The following CSPP1 variants were observed in gnomAD, a reference collection of about 807,000 sequenced individuals.
CSPP1 encodes centrosome and spindle pole associated protein 1.
A neutral mutation model predicts 164.4 loss-of-function variants in CSPP1; 126 were observed. That is an observed-to-expected ratio of 0.77 (90% CI 0.66 to 0.89). CSPP1 has a LOEUF of 0.89. Ranked by LOEUF, CSPP1 falls within the 40% of genes least tolerant of loss-of-function variation. The pLI is 0.00. For synonymous variants in CSPP1, 472 were observed against 476.7 expected (o/e 0.99, Z 0.13); for missense variants, 1,395 against 1,449.8 (o/e 0.96, Z 0.61).
chr8:67,189,009 G>C (rs1002141013), intron 28 of CSPP1, among the ~76,000 whole-genome samples: 1 of 152,126 alleles, frequency 6.6e-6, no homozygotes, highest in Admixed American at 6.6e-5. Context: ...CCACCATCTT[G>C]GGAGTTCTAA....
intron 24 of CSPP1, among the ~76,000 whole-genome samples, chr8:67,168,226 C>T (rs560776464): frequency 6.7e-5 from 10 of 150,260 alleles, no homozygotes; most frequent in African/African-American, 2.2e-4. Context: ...AGGGAGGTTG[C>T]AGTGAGCCGA....
At chr8:67,155,400 C>T (rs1047562747) in intron 19 of CSPP1, among the ~76,000 whole-genome samples, 9 of 152,182 alleles carry the variant, frequency 5.9e-5, no homozygotes, top group Non-Finnish European at 1.2e-4. Context: ...TAATCTAATT[C>T]CAAACTCTTA....
intron 1 of CSPP1, among the ~76,000 whole-genome samples, chr8:67,071,938 A>G (rs1434807246): frequency 3.3e-5 from 5 of 152,210 alleles, no homozygotes; most frequent in Admixed American, 2.0e-4. Flanking sequence ...AAAAACTAAA[A>G]ACTTCTAAAA....
rs1810334212 is a variant in CSPP1 at position 67,086,083 on chromosome 8, G to A, written c.276G>A (p.Arg92=). 1.3e-6 allele frequency: 2 copies of A among 1,488,038 alleles called. No homozygotes were observed. The highest frequency in any genetic ancestry group is 1.9e-6 in the Non-Finnish European group (2 of 1,065,440). The allele number at this position is 1,488,038 out of a possible 1,614,324, so 92.2% of individuals were successfully genotyped here. A position where few individuals can be genotyped will look rare whatever the true frequency, so the allele number is the denominator to read the frequency against. ...AACATAAATTAAAAGAAGAATTGCGGCAAGATTACAGACGTTATCTTACTC... is the reference window on the plus strand; with the variant it reads ...AACATAAATTAAAAGAAGAATTGCGACAAGATTACAGACGTTATCTTACTC... ...RKKHKLKEEL[R]QDYRRYLTQK... The change falls in exon 4 of 31, where the codon CGG becomes CGA. Residue 92 remains arginine, a synonymous_variant. Transcript: ENST00000678616.
chr8:67,146,415 G>A (rs149809594), intron 17 of CSPP1, among the ~76,000 whole-genome samples: 3,586 of 152,148 alleles, frequency 0.024, 57 homozygotes, highest in Admixed American at 0.044. Context: ...GAGCCACTGC[G>A]CCCAGCTGGA....
chr8:67,150,004 T>A (rs1825404017), intron 18 of CSPP1, 69 bp downstream of exon 18: 1 of 1,400,426 alleles, frequency 7.1e-7, no homozygotes, highest in Admixed American at 2.6e-5. Flanking sequence ...ACATTTCTGT[T>A]CTGTGACTAA....
intron 15 of CSPP1, among the ~76,000 whole-genome samples, chr8:67,123,613 T>G (rs894580535): frequency 2.4e-4 from 37 of 151,252 alleles, no homozygotes; most frequent in African/African-American, 8.0e-4. Flanking sequence ...CTTCTTCGTT[T>G]TTTTTTTTTT....
At chr8:67,095,964 C>A (rs1390282314) in intron 7 of CSPP1, among the ~76,000 whole-genome samples, 1 of 152,176 alleles carries the variant, frequency 6.6e-6, no homozygotes, top group Non-Finnish European at 1.5e-5. Context: ...TGAAAGGCTA[C>A]ACCCTTTATG....
chr8:67,196,355 G>GTCT lies in CSPP1; in HGVS notation c.*771_*773dup, dbSNP rs561469608. 1.3e-5 allele frequency: 2 copies of GTCT among 152,216 alleles called. No individual in the cohort carries two copies. Among genetic ancestry groups the GTCT allele is most frequent in the African/African-American group, 2.4e-5 (1 of 41,456 alleles). 9.4% of individuals were successfully genotyped at this position (152,216 alleles called of 1,614,324 possible). ...GGGAGTCAAGGACAGAGAGACTGGA[G>GTCT]TCTTCTTCTTCCACCATGGAACCTT... On this transcript the variant is annotated 3_prime_UTR_variant, in exon 31 of 31. Transcript: ENST00000678616.
chr8:67,088,283 T>G, intron 4 of CSPP1, among the ~76,000 whole-genome samples: 1 of 151,980 alleles, frequency 6.6e-6, no homozygotes, highest in African/African-American at 2.4e-5. Context: ...AAGATTTTTT[T>G]GTTTGTTTTT....
intron 2 of CSPP1, chr8:67,074,823 C>T (rs1263763360): frequency 6.7e-6 from 2 of 299,874 alleles, no homozygotes; most frequent in Non-Finnish European, 1.3e-5. Flanking sequence ...CTCTGTTGGC[C>T]AGGCAGGACT....
At chr8:67,167,469 T>G (rs1384414456) in intron 24 of CSPP1, among the ~76,000 whole-genome samples, 1 of 147,436 alleles carries the variant, frequency 6.8e-6, no homozygotes. Context: ...ATGGGGCGGC[T>G]GCTGGGCGGA....
intron 28 of CSPP1, among the ~76,000 whole-genome samples, chr8:67,182,126 C>T (rs1833200681): frequency 6.6e-6 from 1 of 152,130 alleles, no homozygotes; most frequent in Non-Finnish European, 1.5e-5. Context: ...CCTCAGCCTC[C>T]CAAGTAGCTG....
chr8:67,074,775 T>A, intron 2 of CSPP1: 1 of 313,774 alleles, frequency 3.2e-6, no homozygotes, highest in Non-Finnish European at 6.0e-6. Context: ...ATAAATTTCT[T>A]AAAATAATTG....
chr8:67,168,309 G>A (rs970126268), intron 24 of CSPP1, among the ~76,000 whole-genome samples: 11 of 149,472 alleles, frequency 7.4e-5, no homozygotes, highest in African/African-American at 9.9e-5. Flanking sequence ...GAGGGAGGCC[G>A]TGGGGGAGAC....
At chr8:67,084,857 C>T (rs906119783) in intron 3 of CSPP1, among the ~76,000 whole-genome samples, 12 of 152,040 alleles carry the variant, frequency 7.9e-5, no homozygotes, top group Admixed American at 1.3e-4. Flanking sequence ...GATCTGAATA[C>T]TCATCTAATG....
At chr8:67,193,373 A>C in intron 29 of CSPP1, 91 bp from the exon 30 acceptor site, 1 of 1,153,936 alleles carries the variant, frequency 8.7e-7, no homozygotes, top group Non-Finnish European at 1.3e-6. Flanking sequence ...CTGGGATCAC[A>C]GGTGATAGGC....
intron 28 of CSPP1, among the ~76,000 whole-genome samples, chr8:67,183,811 A>T (rs1328614804): frequency 6.6e-6 from 1 of 151,450 alleles, no homozygotes; most frequent in African/African-American, 2.4e-5. Flanking sequence ...GAAAGAAATA[A>T]TTGATAAGCC....
chr8:67,112,425 A>G (rs2129550105), intron 10 of CSPP1, among the ~76,000 whole-genome samples: 1 of 152,092 alleles, frequency 6.6e-6, no homozygotes, highest in East Asian at 1.9e-4. Flanking sequence ...ATGAAATGGT[A>G]TGCACACACA....
Sources: gnomAD v4.1 joint callset for allele counts (sites outside exome capture counted in the v4.1 genomes callset) on GRCh38, gnomAD v4.1.1 for gene constraint, MANE v1.5 for transcripts, NCBI Gene and HGNC (gene_info 2026-07-23, HGNC 2026-07-21) for gene names.